SRRM4: variants seen among roughly 807,000 people sequenced by gnomAD.
SRRM4 encodes serine/arginine repetitive matrix protein 4.
Under a neutral mutation model 68.9 loss-of-function variants are expected in SRRM4, and 33 were observed. The observed-to-expected ratio is 0.48, with a 90% CI of 0.36 to 0.64. SRRM4 has a LOEUF of 0.64. Ranked by LOEUF, SRRM4 falls within the 30% of genes least tolerant of loss-of-function variation. The pLI is 0.00. For synonymous variants in SRRM4, 318 were observed against 318.8 expected (o/e 1.00, Z 0.03); for missense variants, 817 against 827.1 (o/e 0.99, Z 0.15).
chr12:119,058,701 CT>C (rs1233881568), intron 1 of SRRM4, among the ~76,000 whole-genome samples: 3 of 152,190 alleles, frequency 2.0e-5, no homozygotes, highest in Non-Finnish European at 1.5e-5. Flanking sequence ...TCTTCTGATG[CT>C]TCCTAGAGTG....
chr12:119,065,109 T>C (rs1260857334), intron 1 of SRRM4, among the ~76,000 whole-genome samples: 2 of 152,116 alleles, frequency 1.3e-5, no homozygotes, highest in Non-Finnish European at 2.9e-5. Context: ...GAGAAGAAAA[T>C]TGAGGCTCAC....
intron 1 of SRRM4, among the ~76,000 whole-genome samples, chr12:119,049,687 C>T (rs146524612): frequency 3.0e-3 from 455 of 152,266 alleles, no homozygotes; most frequent in African/African-American, 0.01. Context: ...GTGTCTTAAA[C>T]AGTAATAATT....
At chr12:119,111,472 C>T (rs550087872) in intron 2 of SRRM4, among the ~76,000 whole-genome samples, 1 of 152,340 alleles carries the variant, frequency 6.6e-6, no homozygotes, top group African/African-American at 2.4e-5. Context: ...AAATCATGCT[C>T]TCCTGGGACC....
chr12:119,057,634 T>C (rs996133524), intron 1 of SRRM4, among the ~76,000 whole-genome samples: 3 of 152,208 alleles, frequency 2.0e-5, no homozygotes, highest in Non-Finnish European at 4.4e-5. Context: ...TTTGCTATTG[T>C]GAACAGTGCT....
intron 4 of SRRM4, 112 bp downstream of exon 4, chr12:119,117,120 A>G (rs1030848194): frequency 1.0e-5 from 9 of 896,234 alleles, no homozygotes; most frequent in Admixed American, 2.2e-5. Context: ...TAAAACAATT[A>G]TCTATGTCTT....
At chr12:119,025,929 C>T (rs1953545744) in intron 1 of SRRM4, among the ~76,000 whole-genome samples, 1 of 152,032 alleles carries the variant, frequency 6.6e-6, no homozygotes, top group African/African-American at 2.4e-5. Context: ...CTTTGGAAGC[C>T]CTTAAACCAA....
chr12:119,115,070 C>T (rs73408091), intron 3 of SRRM4, among the ~76,000 whole-genome samples: 23,493 of 151,254 alleles, frequency 0.16, 2,053 homozygotes, highest in Non-Finnish European at 0.19. Context: ...TATCCCTGAC[C>T]ATTGTCTACC....
rs185467131 is a variant in SRRM4, at chr12:119,137,440, C to T, written c.771+6606C>T. Among the ~76,000 whole-genome samples the T allele has an allele frequency of 9.5e-4, 145 of 152,206 alleles. 1 individual carries two copies. Among genetic ancestry groups the T allele is most frequent in the Admixed American group, 4.8e-3 (73 of 15,300 alleles). On this transcript the variant is annotated intron_variant, in intron 8 of 12. Transcript: ENST00000267260. ...AAACAAAAACAATAAATAACAGTGC[C>T]GGCTTCCCTGGAGGGCTGAGAGAGA...
intron 1 of SRRM4, chr12:119,001,186 T>G (rs958630982): frequency 1.3e-5 from 2 of 152,214 alleles, no homozygotes; most frequent in Non-Finnish European, 2.9e-5. Context: ...GACCCACCCT[T>G]ATGGCATGAC....
chr12:119,041,974 G>A (rs868480298), intron 1 of SRRM4, among the ~76,000 whole-genome samples: 1 of 152,150 alleles, frequency 6.6e-6, no homozygotes, highest in African/African-American at 2.4e-5. Context: ...CCAGGACCCT[G>A]TATCTCTTGG....
intron 1 of SRRM4, among the ~76,000 whole-genome samples, chr12:119,018,342 G>A (rs1349595327): frequency 6.6e-6 from 1 of 152,160 alleles, no homozygotes; most frequent in African/African-American, 2.4e-5. Flanking sequence ...GATTCCTTGT[G>A]CAAATTTGAG....
chr12:119,139,157 G>A (rs1954348789), intron 8 of SRRM4, among the ~76,000 whole-genome samples: 1 of 152,230 alleles, frequency 6.6e-6, no homozygotes, highest in African/African-American at 2.4e-5. Flanking sequence ...CCATCCTGTT[G>A]TATCAATGTC....
intron 6 of SRRM4, among the ~76,000 whole-genome samples, chr12:119,123,351 C>A (rs977288832): frequency 6.6e-6 from 1 of 152,076 alleles, no homozygotes; most frequent in Non-Finnish European, 1.5e-5. Context: ...AGTCAAGAGA[C>A]AATTATTGGC....
intron 1 of SRRM4, among the ~76,000 whole-genome samples, chr12:119,084,342 C>G (rs1465707927): frequency 1.3e-5 from 2 of 152,212 alleles, no homozygotes; most frequent in Non-Finnish European, 2.9e-5. Flanking sequence ...AGGCAAACAA[C>G]TGGACATCAC....
At chr12:119,028,371 A>G (rs936884184) in intron 1 of SRRM4, among the ~76,000 whole-genome samples, 1 of 152,086 alleles carries the variant, frequency 6.6e-6, no homozygotes, top group Non-Finnish European at 1.5e-5. Flanking sequence ...AGGTAATTGA[A>G]TCATGGGGGC....
intron 1 of SRRM4, among the ~76,000 whole-genome samples, chr12:119,064,302 A>G (rs1205062023): frequency 6.6e-6 from 1 of 152,234 alleles, no homozygotes; most frequent in African/African-American, 2.4e-5. Context: ...TGGCAAATAA[A>G]CTATTTATTT....
intron 1 of SRRM4, among the ~76,000 whole-genome samples, chr12:119,054,658 G>T (rs933192021): frequency 8.5e-5 from 13 of 152,150 alleles, no homozygotes; most frequent in Admixed American, 8.5e-4. Context: ...TAATAAAGGG[G>T]ATGTATTGGC....
chr12:119,128,092 C>T (rs776011662), intron 7 of SRRM4, among the ~76,000 whole-genome samples: 2 of 152,150 alleles, frequency 1.3e-5, no homozygotes, highest in Non-Finnish European at 2.9e-5. Flanking sequence ...GCCCTTGGTA[C>T]CTACTATCAC....
chr12:119,025,038 G>A (rs140503779), intron 1 of SRRM4, among the ~76,000 whole-genome samples: 1,917 of 152,284 alleles, frequency 0.013, 26 homozygotes, highest in Non-Finnish European at 0.016. Context: ...AGCATAGATG[G>A]ATGGGTGCTT....
Sources: gnomAD v4.1 joint callset for allele counts (sites outside exome capture counted in the v4.1 genomes callset) on GRCh38, gnomAD v4.1.1 for gene constraint, MANE v1.5 for transcripts, NCBI Gene and HGNC (gene_info 2026-07-23, HGNC 2026-07-21) for gene names.